Variants in STK32B observed in about 807,000 individuals in gnomAD.
The protein encoded by STK32B is serine/threonine-protein kinase 32B.
A neutral mutation model predicts 52.6 loss-of-function variants in STK32B; 43 were observed. The observed-to-expected ratio is 0.82, with a 90% confidence interval of 0.64 to 1.05. The LOEUF (loss-of-function observed/expected upper bound fraction) is 1.05. STK32B is among the 50% of genes least tolerant of loss of function. The pLI is 0.00. For missense variants in STK32B, 621 were observed against 534.6 expected, an observed-to-expected ratio of 1.16 and a Z score of -1.59; for synonymous variants, 238 against 204.3, an observed-to-expected ratio of 1.17 and a Z score of -1.41.
intron 3 of STK32B, among the ~76,000 whole-genome samples, chr4:5,198,433 A>G (rs955518161): frequency 1.3e-5 from 2 of 152,152 alleles, no homozygotes; most frequent in Non-Finnish European, 2.9e-5. Context: ...GATTCCCAAT[A>G]ATACTAATAA....
chr4:5,232,781 C>G (rs929981678), intron 3 of STK32B, among the ~76,000 whole-genome samples: 1 of 152,204 alleles, frequency 6.6e-6, no homozygotes, highest in Non-Finnish European at 1.5e-5. Flanking sequence ...TAGGTCCACT[C>G]TACACCTGCT....
intron 3 of STK32B, among the ~76,000 whole-genome samples, chr4:5,310,889 A>G (rs1313209376): frequency 6.6e-6 from 1 of 152,216 alleles, no homozygotes; most frequent in Admixed American, 6.5e-5. Context: ...GTTCATGGCA[A>G]CATGGATGAG....
At chr4:5,482,815 A>T (rs1285803282) in intron 11 of STK32B, among the ~76,000 whole-genome samples, 1 of 152,142 alleles carries the variant, frequency 6.6e-6, no homozygotes, top group Non-Finnish European at 1.5e-5. Context: ...GAATTTTGTC[A>T]AAGGCCTTTT....
At chr4:5,096,060 C>A (rs1409501172) in intron 1 of STK32B, among the ~76,000 whole-genome samples, 1 of 152,056 alleles carries the variant, frequency 6.6e-6, no homozygotes, top group Non-Finnish European at 1.5e-5. Flanking sequence ...TCTGTATTTT[C>A]TATTAGAGAA....
In STK32B at chr4:5,205,155, A is replaced by G. The variant is rs143724325; in HGVS notation, c.260+36705A>G. On this transcript the variant is annotated intron_variant, in intron 3 of 11. Transcript: ENST00000282908. The stretch of plus-strand genomic sequence containing the variant: ...TGGACTTTCAGAGCTCCAGGTCCTC[A>G]GACCTTGGGACTGGGACTTATATCA... 3.9e-4 allele frequency among the ~76,000 whole-genome samples: 60 copies of G among 152,232 alleles called. No individual in the cohort carries two copies. The East Asian group carries it at 9.9e-3, about 25-fold the overall frequency.
rs1282209458 is a variant in STK32B, at chr4:5,386,636, C to G, written c.435-11571C>G. Among the ~76,000 whole-genome samples, 1 of 152,232 alleles carries G rather than the reference C, an allele frequency of 6.6e-6. No individual in the cohort carries two copies. The highest frequency in any genetic ancestry group is 1.5e-5 in the Non-Finnish European group (1 of 68,046). On this transcript the variant is annotated intron_variant, in intron 4 of 11. Coordinates refer to ENST00000282908, the MANE Select transcript of STK32B (RefSeq NM_018401.3). The surrounding 1 kb of genome is among the most constrained non-coding windows in gnomAD (Gnocchi z 4.5). Reference sequence around the variant, plus strand: ...CCCAATGACCCAGATAAAATCCACACTGTCAAGTTTACAAGAGTCAGGAAA... The same window carrying G: ...CCCAATGACCCAGATAAAATCCACAGTGTCAAGTTTACAAGAGTCAGGAAA...
intron 1 of STK32B, among the ~76,000 whole-genome samples, chr4:5,092,327 T>C (rs531232573): frequency 6.6e-6 from 1 of 151,456 alleles, no homozygotes; most frequent in South Asian, 2.1e-4. Flanking sequence ...AGGTCAAGAG[T>C]TTGAGACCAG....
chr4:5,456,055 C>T (rs1577534184), intron 7 of STK32B, among the ~76,000 whole-genome samples: 1 of 151,810 alleles, frequency 6.6e-6, no homozygotes, highest in African/African-American at 2.4e-5. Flanking sequence ...GGGGTTGGGG[C>T]AGGGGGAGCG....
chr4:5,314,501 C>G (rs900723528), intron 3 of STK32B, among the ~76,000 whole-genome samples: 4 of 152,162 alleles, frequency 2.6e-5, no homozygotes, highest in Admixed American at 2.6e-4. Context: ...GAAACCCTGT[C>G]TCTACTAAAA....
chr4:5,226,577 T>C (rs1250986456), intron 3 of STK32B, among the ~76,000 whole-genome samples: 1 of 152,210 alleles, frequency 6.6e-6, no homozygotes, highest in African/African-American at 2.4e-5. Flanking sequence ...TGCTATCTGC[T>C]CATTAGTCAC....
intron 11 of STK32B, among the ~76,000 whole-genome samples, chr4:5,481,464 A>G (rs1011024609): frequency 7.2e-5 from 11 of 151,930 alleles, no homozygotes; most frequent in Admixed American, 5.9e-4. Flanking sequence ...GTTTGAGTTC[A>G]TTGTAGATTC....
intron 8 of STK32B, chr4:5,459,020 C>A (rs2109147317): frequency 6.6e-6 from 1 of 152,430 alleles, no homozygotes; most frequent in East Asian, 1.9e-4. Flanking sequence ...GTCTGGACAT[C>A]AGCATGTTTT....
chr4:5,207,493 C>T (rs976676054), intron 3 of STK32B, among the ~76,000 whole-genome samples: 5 of 152,056 alleles, frequency 3.3e-5, no homozygotes, highest in Non-Finnish European at 5.9e-5. Flanking sequence ...TGAGGCCTCT[C>T]CAGCCATGTG....
chr4:5,497,230 T>G (rs28624823), intron 11 of STK32B, among the ~76,000 whole-genome samples: 1 of 152,192 alleles, frequency 6.6e-6, no homozygotes, highest in Non-Finnish European at 1.5e-5. Flanking sequence ...CCTTTGAACT[T>G]TGAGAGCCCC....
chr4:5,171,565 A>C (rs926332257), intron 3 of STK32B, among the ~76,000 whole-genome samples: 3 of 152,126 alleles, frequency 2.0e-5, no homozygotes, highest in African/African-American at 7.2e-5. Flanking sequence ...TAAGTAGGGA[A>C]TCCTTTCCCC....
At chr4:5,183,151 C>T (rs1720484352) in intron 3 of STK32B, among the ~76,000 whole-genome samples, 1 of 152,158 alleles carries the variant, frequency 6.6e-6, no homozygotes, top group Admixed American at 6.5e-5. Context: ...GCATTAGCCC[C>T]TAGCAAGAGT....
intron 2 of STK32B, among the ~76,000 whole-genome samples, chr4:5,156,705 A>T (rs1198456030): frequency 6.6e-6 from 1 of 152,206 alleles, no homozygotes; most frequent in East Asian, 1.9e-4. Context: ...AAAGTGAAGT[A>T]AACGTGGAGT....
chr4:5,342,160 A>G (rs766731286), intron 4 of STK32B, among the ~76,000 whole-genome samples: 6 of 152,168 alleles, frequency 3.9e-5, no homozygotes, highest in Non-Finnish European at 7.3e-5. Context: ...AGGATCTAGA[A>G]CTAGAAACAC....
rs1290227661 is a variant in STK32B, at chr4:5,357,072, TAC to T, written c.434+25690_434+25691del. ...ACACACACACATATATACACACATATACACACACACACGTATACACACACACA... is the reference window on the plus strand; with the variant it reads ...ACACACACACATATATACACACATATACACACACACGTATACACACACACA... On this transcript the variant is annotated intron_variant, in intron 4 of 11. Transcript: ENST00000282908. Among the ~76,000 whole-genome samples, 530 of 143,840 alleles carry T rather than the reference TAC, an allele frequency of 3.7e-3. 7 individuals are homozygous for T. The highest frequency in any genetic ancestry group is 0.013 in the African/African-American group (485 of 36,494). 94.4% of individuals were successfully genotyped at this position (143,840 alleles called of 152,430 possible).
Sources: gnomAD v4.1 joint callset for allele counts (sites outside exome capture counted in the v4.1 genomes callset) on GRCh38, gnomAD v4.1.1 for gene constraint, Gnocchi (gnomAD v3.1) non-coding constraint, MANE v1.5 for transcripts, NCBI Gene and HGNC (gene_info 2026-07-23, HGNC 2026-07-21) for gene names.